TCF12: variants seen among roughly 807,000 people sequenced by gnomAD.
TCF12 encodes the protein transcription factor 12, also known as DNA-binding protein HTF4.
In TCF12, 45 loss-of-function variants were observed where a neutral mutation model predicts 86.0. The observed-to-expected ratio is 0.52, with a 90% CI of 0.41 to 0.67. The LOEUF (loss-of-function observed/expected upper bound fraction) is 0.67. Ranked by LOEUF, TCF12 falls within the 30% of genes least tolerant of loss-of-function variation. TCF12 has a pLI of 0.00. For synonymous variants in TCF12, 330 were observed against 299.6 expected (o/e 1.10, Z -1.05); for missense variants, 881 against 859.9 (o/e 1.02, Z -0.31).
intron 18 of TCF12, among the ~76,000 whole-genome samples, chr15:57,268,683 C>T (rs1820985382): frequency 6.6e-6 from 1 of 151,978 alleles, no homozygotes; most frequent in Non-Finnish European, 1.5e-5. Flanking sequence ...ATAAATAGAA[C>T]TTTCTATAAG....
At chr15:57,015,498 C>G (rs1177351221) in intron 3 of TCF12, among the ~76,000 whole-genome samples, 5 of 152,088 alleles carry the variant, frequency 3.3e-5, no homozygotes, top group African/African-American at 1.2e-4. Flanking sequence ...TCAGTTATTC[C>G]ATAAAGTGGC....
intron 3 of TCF12, among the ~76,000 whole-genome samples, chr15:57,014,799 T>A (rs1727803161): frequency 6.6e-6 from 1 of 151,958 alleles, no homozygotes; most frequent in African/African-American, 2.4e-5. Context: ...TAACTAAGTT[T>A]CCCTACAGTG....
intron 8 of TCF12, among the ~76,000 whole-genome samples, chr15:57,202,167 A>G (rs1319304508): frequency 6.6e-6 from 1 of 152,176 alleles, no homozygotes; most frequent in African/African-American, 2.4e-5. Flanking sequence ...TAACTTGCCA[A>G]AAATCACACA....
chr15:57,023,427 T>C (rs903906553), intron 3 of TCF12, among the ~76,000 whole-genome samples: 3 of 152,044 alleles, frequency 2.0e-5, no homozygotes, highest in African/African-American at 7.2e-5. Flanking sequence ...GCTTGAAAAA[T>C]ACACCAATTG....
intron 3 of TCF12, among the ~76,000 whole-genome samples, chr15:57,037,434 A>ACAAC (rs1555486879): frequency 6.6e-6 from 1 of 151,002 alleles, no homozygotes; most frequent in African/African-American, 2.5e-5. Flanking sequence ...AGAGCTCAAA[A>ACAAC]AAACAAACAA....
intron 5 of TCF12, among the ~76,000 whole-genome samples, chr15:57,123,018 A>AT (rs1453504917): frequency 6.6e-6 from 1 of 152,240 alleles, no homozygotes; most frequent in Non-Finnish European, 1.5e-5. Context: ...AAAATCAAAC[A>AT]TTTAAACTAA....
At chr15:57,221,758 C>G (rs1400036987) in intron 8 of TCF12, among the ~76,000 whole-genome samples, 3 of 152,034 alleles carry the variant, frequency 2.0e-5, no homozygotes, top group African/African-American at 7.2e-5. Flanking sequence ...TTTTACCCAC[C>G]TCTAGTTTTT....
At chr15:56,980,453 A>G (rs1245425152) in intron 3 of TCF12, among the ~76,000 whole-genome samples, 65 of 152,126 alleles carry the variant, frequency 4.3e-4, no homozygotes, top group Non-Finnish European at 7.4e-5. Context: ...GAAGAAGAGG[A>G]TGGCCCCACA....
At chr15:57,208,935 C>A (rs1192572946) in intron 8 of TCF12, among the ~76,000 whole-genome samples, 1 of 152,054 alleles carries the variant, frequency 6.6e-6, no homozygotes, top group East Asian at 1.9e-4. Context: ...GGGTTGGTCT[C>A]AAACTCCTGG....
At chr15:57,021,323 A>G (rs1252692867) in intron 3 of TCF12, among the ~76,000 whole-genome samples, 3 of 152,202 alleles carry the variant, frequency 2.0e-5, no homozygotes, top group Admixed American at 1.3e-4. Flanking sequence ...GGCATGGGTA[A>G]GCTCTGGAGC....
At chr15:57,170,401 T>C (rs1597021489) in intron 6 of TCF12, among the ~76,000 whole-genome samples, 2 of 151,562 alleles carry the variant, frequency 1.3e-5, no homozygotes, top group African/African-American at 4.8e-5. Flanking sequence ...AAGTCTCATC[T>C]CTACATTGAT....
chr15:57,075,835 T>TCTCTTTTCTTTCTTTCTTTCTTTC (rs778545170), intron 4 of TCF12, among the ~76,000 whole-genome samples: 1 of 49,994 alleles, frequency 2.0e-5, no homozygotes, highest in African/African-American at 9.7e-5. Flanking sequence ...TCTCTCTCTC[T>TCTCTTTTCTTTCTTTCTTTCTTTC]TTTCTTTCTT....
At chr15:57,075,835 T>TCTCTCTTTTCTTTC (rs778545170) in intron 4 of TCF12, among the ~76,000 whole-genome samples, 4 of 49,994 alleles carry the variant, frequency 8.0e-5, no homozygotes, top group South Asian at 8.6e-4. Context: ...TCTCTCTCTC[T>TCTCTCTTTTCTTTC]TTTCTTTCTT....
chr15:57,038,001 A>G (rs1395229745), intron 3 of TCF12, among the ~76,000 whole-genome samples: 2 of 152,250 alleles, frequency 1.3e-5, no homozygotes, highest in African/African-American at 4.8e-5. Flanking sequence ...AAAATGAAAT[A>G]GGTTTTAAAC....
chr15:57,089,451 GT>G, intron 4 of TCF12, among the ~76,000 whole-genome samples: 1 of 152,240 alleles, frequency 6.6e-6, no homozygotes, highest in Admixed American at 6.5e-5. Flanking sequence ...CAGCAAAAAA[GT>G]TAGGTTAGCA....
intron 5 of TCF12, among the ~76,000 whole-genome samples, chr15:57,135,199 GGGAT>G (rs2052431683): frequency 6.6e-6 from 1 of 152,110 alleles, no homozygotes; most frequent in African/African-American, 2.4e-5. Flanking sequence ...TTTGTAGTAT[GGGAT>G]GCAACAAACA....
At chr15:57,239,455 G>T (rs2059516700) in intron 12 of TCF12, among the ~76,000 whole-genome samples, 1 of 147,522 alleles carries the variant, frequency 6.8e-6, no homozygotes, top group Non-Finnish European at 1.5e-5. Context: ...AAACCTGGTT[G>T]CAGTGAGCCG....
intron 10 of TCF12, 32 bp downstream of exon 10, chr15:57,232,462 A>G (rs762797602): frequency 6.4e-7 from 1 of 1,561,462 alleles, no homozygotes; most frequent in South Asian, 1.2e-5. Flanking sequence ...GGGTACAGCA[A>G]CACTTTGTCC....
chr15:57,049,811 G>T (rs998658411), intron 3 of TCF12, among the ~76,000 whole-genome samples: 2 of 152,156 alleles, frequency 1.3e-5, no homozygotes, highest in African/African-American at 4.8e-5. Context: ...AGTTGTAGTT[G>T]CTCTGCATTC....
Sources: allele counts gnomAD v4.1 joint callset (sites outside exome capture counted in the v4.1 genomes callset), GRCh38; gene constraint gnomAD v4.1.1; transcripts MANE v1.5; gene names NCBI Gene and HGNC (gene_info 2026-07-23, HGNC 2026-07-21).